The following TRAPPC9 variants were observed in gnomAD, a reference collection of about 807,000 sequenced individuals.
The protein encoded by TRAPPC9 is trafficking protein particle complex subunit 9, also known as IKK2 binding protein.
Under a neutral mutation model 124.0 loss-of-function variants are expected in TRAPPC9, and 83 were observed. That is an observed-to-expected ratio of 0.67 (90% CI 0.56 to 0.80). The LOEUF (loss-of-function observed/expected upper bound fraction) is 0.80. Ranked by LOEUF, TRAPPC9 falls within the 30% of genes least tolerant of loss-of-function variation. The probability of loss-of-function intolerance (pLI) is 0.00; values close to 1 mark genes in which losing one functional copy is unlikely to be tolerated. For synonymous variants in TRAPPC9, 638 were observed against 617.5 expected (o/e 1.03, Z -0.49); for missense variants, 1,302 against 1,508.3 (o/e 0.86, Z 2.27).
At chr8:140,401,762 A>C (rs2069279800) in intron 6 of TRAPPC9, among the ~76,000 whole-genome samples, 1 of 151,826 alleles carries the variant, frequency 6.6e-6, no homozygotes, top group Non-Finnish European at 1.5e-5. Flanking sequence ...TACCTGAGAC[A>C]GCAGGTGTGC....
intron 21 of TRAPPC9, among the ~76,000 whole-genome samples, chr8:139,759,598 G>A (rs960212692): frequency 9.2e-5 from 14 of 152,154 alleles, no homozygotes; most frequent in South Asian, 2.1e-4. Context: ...CGAGCCTGGC[G>A]ATTTTTCAGA....
chr8:139,764,762 G>A (rs754319490), intron 21 of TRAPPC9, among the ~76,000 whole-genome samples: 1 of 152,168 alleles, frequency 6.6e-6, no homozygotes, highest in South Asian at 2.1e-4. Flanking sequence ...TGAGGCGACC[G>A]GCTAGAGGAG....
intron 21 of TRAPPC9, among the ~76,000 whole-genome samples, chr8:139,882,437 C>T (rs929723543): frequency 6.6e-6 from 1 of 152,168 alleles, no homozygotes; most frequent in East Asian, 1.9e-4. Flanking sequence ...AAGGCCTTTG[C>T]GTTCAGACAA....
intron 9 of TRAPPC9, among the ~76,000 whole-genome samples, chr8:140,316,399 T>G (rs2066444146): frequency 6.6e-6 from 1 of 152,214 alleles, no homozygotes; most frequent in African/African-American, 2.4e-5. Context: ...ACCTGACTCT[T>G]CCAGAATTTG....
intron 2 of TRAPPC9, among the ~76,000 whole-genome samples, chr8:140,439,512 T>G (rs866367256): frequency 5.9e-5 from 9 of 152,246 alleles, no homozygotes; most frequent in Admixed American, 5.2e-4. Flanking sequence ...TAAGGAAGTT[T>G]ATGTTTCAGC....
At chr8:139,908,945 T>C (rs1436046756) in intron 20 of TRAPPC9, among the ~76,000 whole-genome samples, 1 of 152,228 alleles carries the variant, frequency 6.6e-6, no homozygotes, top group Non-Finnish European at 1.5e-5. Context: ...CCAAGCACTC[T>C]ATTTTTCATG....
At chr8:140,155,182 G>A (rs570932225) in intron 17 of TRAPPC9, among the ~76,000 whole-genome samples, 1 of 152,342 alleles carries the variant, frequency 6.6e-6, no homozygotes, top group East Asian at 1.9e-4. Context: ...AAGGGGTGAG[G>A]AGATCACAAT....
chr8:139,800,469 G>A (rs1234912452), intron 21 of TRAPPC9, among the ~76,000 whole-genome samples: 3 of 152,220 alleles, frequency 2.0e-5, no homozygotes, highest in African/African-American at 4.8e-5. Context: ...AAGACAATTC[G>A]GAAAGACCAG....
intron 17 of TRAPPC9, among the ~76,000 whole-genome samples, chr8:140,123,893 G>C (rs1413825812): frequency 6.6e-6 from 1 of 152,190 alleles, no homozygotes. Flanking sequence ...AGGTTATGCT[G>C]TGGTAACAAG....
chr8:139,967,008 G>A (rs371536405), intron 19 of TRAPPC9, among the ~76,000 whole-genome samples: 2 of 152,176 alleles, frequency 1.3e-5, no homozygotes, highest in Admixed American at 6.5e-5. Flanking sequence ...ACGTAAAGAC[G>A]AAGTTTTAAT....
intron 17 of TRAPPC9, among the ~76,000 whole-genome samples, chr8:140,196,559 A>C (rs28612504): frequency 0.016 from 745 of 46,280 alleles, 17 homozygotes; most frequent in East Asian, 0.055. Context: ...CACCATACAG[A>C]TCACACCTGT....
intron 21 of TRAPPC9, among the ~76,000 whole-genome samples, chr8:139,772,481 G>C (rs990203809): frequency 1.3e-5 from 2 of 152,254 alleles, no homozygotes; most frequent in South Asian, 2.1e-4. Context: ...CCACGCTCCT[G>C]GGATCCTGAG....
intron 9 of TRAPPC9, among the ~76,000 whole-genome samples, chr8:140,331,667 A>T (rs990746602): frequency 6.6e-6 from 1 of 150,902 alleles, no homozygotes; most frequent in Non-Finnish European, 1.5e-5. Flanking sequence ...AGCAGGCAAA[A>T]GACGTGAATA....
chr8:139,733,177 G>A (rs1817951951), intron 21 of TRAPPC9, among the ~76,000 whole-genome samples: 1 of 152,188 alleles, frequency 6.6e-6, no homozygotes, highest in Non-Finnish European at 1.5e-5. Context: ...GCCCTGTAGT[G>A]AGTGACAATG....
intron 21 of TRAPPC9, among the ~76,000 whole-genome samples, chr8:139,749,511 C>T (rs1264175129): frequency 2.6e-5 from 4 of 152,178 alleles, no homozygotes; most frequent in African/African-American, 9.7e-5. Context: ...GAACTTCTTC[C>T]TACCATGAAA....
At chr8:139,813,917 G>A (rs571645891) in intron 21 of TRAPPC9, among the ~76,000 whole-genome samples, 2 of 152,190 alleles carry the variant, frequency 1.3e-5, no homozygotes, top group Non-Finnish European at 2.9e-5. Context: ...GAGGGCTGCA[G>A]ACAGGAATGT....
At chr8:139,963,456 C>T (rs1835478245) in intron 19 of TRAPPC9, among the ~76,000 whole-genome samples, 1 of 152,096 alleles carries the variant, frequency 6.6e-6, no homozygotes, top group African/African-American at 2.4e-5. Flanking sequence ...TCATTTCATC[C>T]TTATTCCCTG....
chr8:139,771,662 G>A (rs770654003), intron 21 of TRAPPC9, among the ~76,000 whole-genome samples: 7 of 152,222 alleles, frequency 4.6e-5, no homozygotes, highest in South Asian at 2.1e-4. Context: ...GACCCCACAC[G>A]AGTGGTAGGC....
chr8:140,202,949 G>C (rs1444693284), intron 17 of TRAPPC9, among the ~76,000 whole-genome samples: 1 of 152,208 alleles, frequency 6.6e-6, no homozygotes, highest in Non-Finnish European at 1.5e-5. Context: ...AATCCAAAAG[G>C]TAAGACATTC....
Sources: gnomAD v4.1 joint callset for allele counts (sites outside exome capture counted in the v4.1 genomes callset) on GRCh38, gnomAD v4.1.1 for gene constraint, MANE v1.5 for transcripts, NCBI Gene and HGNC (gene_info 2026-07-23, HGNC 2026-07-21) for gene names.